Variants in VCF1 observed in about 807,000 individuals in gnomAD.
The protein encoded by VCF1 is VCP nuclear cofactor family member 1, also known as protein VCF1.
chr17:73,208,996 G>T, the VCF1 span: 1 of 218,264 alleles, frequency 4.6e-6, no homozygotes. Flanking sequence ...TGTTACACAG[G>T]AGAGAGTACT....
the VCF1 span, chr17:73,229,241 T>G: frequency 4.1e-6 from 4 of 985,340 alleles, no homozygotes; most frequent in Non-Finnish European, 4.8e-6. Flanking sequence ...TCCTACCTGC[T>G]CTTCATTTGC....
chr17:73,229,673 C>T, the VCF1 span: 1 of 618,478 alleles, frequency 1.6e-6, no homozygotes, highest in South Asian at 7.2e-5. Flanking sequence ...CGAAACCAGC[C>T]TGGCCCACAT....
chr17:73,209,503 A>G, the VCF1 span: 1 of 1,565,350 alleles, frequency 6.4e-7, no homozygotes, highest in Non-Finnish European at 8.7e-7. Context: ...CTGTCCCTTC[A>G]CAGAAGGCAA....
the VCF1 span, among the ~76,000 whole-genome samples, chr17:73,224,912 CAGGACAGGACAGG>C: frequency 1.3e-5 from 2 of 150,192 alleles, no homozygotes; most frequent in Non-Finnish European, 3.0e-5. Flanking sequence ...CAGGACAGGA[CAGGACAGGACAGG>C]ACAGGACAGC....
chr17:73,226,028 A>T, the VCF1 span, among the ~76,000 whole-genome samples: 1 of 151,064 alleles, frequency 6.6e-6, no homozygotes, highest in African/African-American at 2.4e-5. Context: ...CAGCCTCCCA[A>T]GTAGCTGGGA....
chr17:73,210,257 A>G, the VCF1 span, among the ~76,000 whole-genome samples: 2 of 152,218 alleles, frequency 1.3e-5, no homozygotes, highest in African/African-American at 4.8e-5. Context: ...TTTTGTGATC[A>G]TCATAGACAC....
chr17:73,211,632 C>A, the VCF1 span, among the ~76,000 whole-genome samples: 1 of 150,800 alleles, frequency 6.6e-6, no homozygotes, highest in Non-Finnish European at 1.5e-5. Flanking sequence ...GAGCCCGAGG[C>A]AGGTGGATCA....
the VCF1 span, chr17:73,209,298 C>G: frequency 5.1e-6 from 3 of 584,462 alleles, no homozygotes; most frequent in Non-Finnish European, 6.0e-6. Flanking sequence ...AGATTTGATA[C>G]CCTCCCTCAA....
the VCF1 span, among the ~76,000 whole-genome samples, chr17:73,223,074 T>C: frequency 1.3e-5 from 2 of 152,100 alleles, no homozygotes; most frequent in Non-Finnish European, 2.9e-5. Flanking sequence ...TCCCAGCACT[T>C]TGGGAGGCCA....
At chr17:73,218,682 C>T in the VCF1 span, among the ~76,000 whole-genome samples, 1 of 151,766 alleles carries the variant, frequency 6.6e-6, no homozygotes, top group Non-Finnish European at 1.5e-5. Flanking sequence ...CTCGGGAGTT[C>T]GAGACCACCC....
At chr17:73,219,341 T>C in the VCF1 span, among the ~76,000 whole-genome samples, 12 of 152,070 alleles carry the variant, frequency 7.9e-5, no homozygotes, top group Non-Finnish European at 1.3e-4. Flanking sequence ...TCCTCCCTTT[T>C]GAATGGATCT....
chr17:73,226,574 C>A, the VCF1 span, among the ~76,000 whole-genome samples: 1 of 152,140 alleles, frequency 6.6e-6, no homozygotes, highest in Non-Finnish European at 1.5e-5. Context: ...CACAGAGCAG[C>A]CTTCCAATTG....
the VCF1 span, among the ~76,000 whole-genome samples, chr17:73,216,232 C>G: frequency 6.6e-6 from 1 of 152,020 alleles, no homozygotes; most frequent in African/African-American, 2.4e-5. Context: ...AAGGAGAACA[C>G]GCACCACCCC....
chr17:73,227,281 A>C, the VCF1 span: 3 of 1,499,864 alleles, frequency 2.0e-6, no homozygotes, highest in African/African-American at 1.5e-5. Context: ...TTAAATCACA[A>C]GGAGAAAAAA....
chr17:73,222,285 G>A, the VCF1 span, among the ~76,000 whole-genome samples: 4 of 151,650 alleles, frequency 2.6e-5, no homozygotes, highest in South Asian at 2.1e-4. Flanking sequence ...CCAAGTTACT[G>A]GAGTTAAAAT....
the VCF1 span, chr17:73,207,604 T>C: frequency 1.0e-6 from 1 of 957,878 alleles, no homozygotes. Context: ...GTTCTGGTGA[T>C]GATGGTTTTA....
the VCF1 span, chr17:73,208,698 A>ATTG: frequency 1.9e-6 from 1 of 533,172 alleles, no homozygotes; most frequent in Middle Eastern, 5.1e-4. Context: ...CAACACCTTA[A>ATTG]TTGTTGACAC....
chr17:73,219,224 G>T, the VCF1 span, among the ~76,000 whole-genome samples: 1 of 148,118 alleles, frequency 6.8e-6, no homozygotes, highest in Non-Finnish European at 1.5e-5. Flanking sequence ...CGACGAAACT[G>T]CTTGGGGTAG....
chr17:73,229,407 T>G, the VCF1 span: 1 of 985,482 alleles, frequency 1.0e-6, no homozygotes, highest in Non-Finnish European at 1.2e-6. Context: ...AGGTTATGAT[T>G]TTAGCAGGCA....
Sources: allele counts gnomAD v4.1 joint callset (sites outside exome capture counted in the v4.1 genomes callset), GRCh38; gene constraint gnomAD v4.1.1; transcripts MANE v1.5; gene names NCBI Gene and HGNC (gene_info 2026-07-23, HGNC 2026-07-21).